The following PTH2R variants were observed in gnomAD, a reference collection of about 807,000 sequenced individuals.
The protein encoded by PTH2R is parathyroid hormone 2 receptor.
PTH2R carries 59 observed loss-of-function variants against 60.3 expected under a neutral mutation model. That is an observed-to-expected ratio of 0.98 (90% CI 0.79 to 1.22). The LOEUF (loss-of-function observed/expected upper bound fraction) is 1.22. PTH2R is among the 50% of genes most tolerant of loss of function. PTH2R has a pLI of 0.00. For missense variants in PTH2R, 749 were observed against 682.6 expected, an observed-to-expected ratio of 1.10 and a Z score of -1.08; for synonymous variants, 256 against 243.8, an observed-to-expected ratio of 1.05 and a Z score of -0.47.
At chr2:208,446,067 G>A (rs1301829505) in intron 7 of PTH2R, among the ~76,000 whole-genome samples, 1 of 152,090 alleles carries the variant, frequency 6.6e-6, no homozygotes, top group Non-Finnish European at 1.5e-5. Context: ...AGTTGGAAAA[G>A]GTGTTGATAG....
chr2:208,465,996 G>T (rs1473841170), intron 9 of PTH2R, among the ~76,000 whole-genome samples: 2 of 152,012 alleles, frequency 1.3e-5, no homozygotes, highest in Non-Finnish European at 2.9e-5. Context: ...CATTTGGTGT[G>T]CATTAATACT....
intron 9 of PTH2R, among the ~76,000 whole-genome samples, chr2:208,476,506 T>C (rs1053509297): frequency 3.9e-5 from 6 of 152,228 alleles, no homozygotes; most frequent in Non-Finnish European, 1.5e-5. Context: ...ATTTTGTCTT[T>C]ATATTTGTGA....
intron 8 of PTH2R, among the ~76,000 whole-genome samples, chr2:208,457,894 T>G (rs541697914): frequency 1.4e-4 from 22 of 152,326 alleles, no homozygotes; most frequent in African/African-American, 4.6e-4. Context: ...AGCTTGCTCA[T>G]TAATAAAAAG....
At chr2:208,388,102 G>C (rs1174529831) in intron 1 of PTH2R, among the ~76,000 whole-genome samples, 1 of 146,808 alleles carries the variant, frequency 6.8e-6, no homozygotes, top group Admixed American at 7.0e-5. Context: ...GAGGTCAGGA[G>C]ATCAAGACCA....
intron 1 of PTH2R, among the ~76,000 whole-genome samples, chr2:208,425,620 G>T (rs1468085289): frequency 6.6e-6 from 1 of 152,212 alleles, no homozygotes. Context: ...TATAAAAGTT[G>T]CTGTCAAACA....
rs956408192 is a variant in PTH2R at position 208,459,761 on chromosome 2, A to G, written c.915-134A>G. 8 of 730,280 alleles carry G rather than the reference A, an allele frequency of 1.1e-5. No individual in the cohort carries two copies. In the Admixed American group the frequency reaches 1.9e-4, roughly 17 times the overall value. 45.2% of individuals were successfully genotyped at this position (730,280 alleles called of 1,614,324 possible). On this transcript the variant is annotated intron_variant, in intron 8 of 12. Coordinates refer to ENST00000272847, the MANE Select transcript of PTH2R (RefSeq NM_005048.4). ...CCCCCACTGGCTTGGGTGTTTTAAG[A>G]TAAGATTTCTTTGTCTATTTGTTTC...
At chr2:208,424,624 C>A (rs1053822404) in intron 1 of PTH2R, among the ~76,000 whole-genome samples, 5 of 152,144 alleles carry the variant, frequency 3.3e-5, no homozygotes, top group Admixed American at 6.5e-5. Flanking sequence ...ATGCACCTGT[C>A]CTGGATTGTT....
chr2:208,380,756 C>T (rs1386310554), intron 1 of PTH2R, among the ~76,000 whole-genome samples: 1 of 152,094 alleles, frequency 6.6e-6, no homozygotes, highest in African/African-American at 2.4e-5. Context: ...ACTAGCTTTC[C>T]CCTGTGTGGG....
chr2:208,385,131 AGT>A (rs1700979759), intron 1 of PTH2R, among the ~76,000 whole-genome samples: 1 of 151,992 alleles, frequency 6.6e-6, no homozygotes, highest in Non-Finnish European at 1.5e-5. Flanking sequence ...ACTACCTGAT[AGT>A]GTTAATACCT....
intron 2 of PTH2R, among the ~76,000 whole-genome samples, chr2:208,431,417 A>T (rs1184348713): frequency 6.6e-6 from 1 of 152,180 alleles, no homozygotes; most frequent in African/African-American, 2.4e-5. Context: ...TTGTGTGTCT[A>T]ATGATTTGTG....
chr2:208,377,191 A>G (rs887186705), intron 1 of PTH2R, among the ~76,000 whole-genome samples: 14 of 152,070 alleles, frequency 9.2e-5, no homozygotes, highest in South Asian at 2.1e-4. Flanking sequence ...GGTTGGGGGT[A>G]AGGTCATAGA....
At position 208,489,099 on chromosome 2, in the gene PTH2R, G is replaced by A. The variant is rs965644409; in HGVS notation, c.1164G>A (p.Gly388=). The change falls in exon 11 of 13, where the codon GGG becomes GGA. Residue 388 remains glycine (G), a synonymous_variant. Transcript: ENST00000272847. ...TATGCCTGCCTCACTCCTTCACTGG[G>A]CTCGGGTGGGAGATCCGCATGCACT... The part of the protein sequence containing the change: ...VFVCLPHSFT[G]LGWEIRMHCE... The A allele has an allele frequency of 6.2e-7, 1 of 1,613,980 alleles. No individual in the cohort carries two copies. Among genetic ancestry groups the A allele is most frequent in the Admixed American group, 1.7e-5 (1 of 60,000 alleles).
intron 1 of PTH2R, among the ~76,000 whole-genome samples, chr2:208,420,428 A>G (rs932231580): frequency 8.5e-5 from 13 of 152,318 alleles, no homozygotes; most frequent in East Asian, 1.9e-4. Context: ...TTTTCCACAC[A>G]TATTTGCCAG....
chr2:208,491,817 T>G (rs1013739709), intron 12 of PTH2R, among the ~76,000 whole-genome samples: 1 of 152,278 alleles, frequency 6.6e-6, no homozygotes, highest in African/African-American at 2.4e-5. Context: ...CTCCACTTCC[T>G]CTGTGCCCGA....
At chr2:208,421,071 A>T (rs916817345) in intron 1 of PTH2R, among the ~76,000 whole-genome samples, 3 of 152,244 alleles carry the variant, frequency 2.0e-5, no homozygotes, top group African/African-American at 4.8e-5. Context: ...ATAAATTCAC[A>T]TGTAGTTAAT....
intron 7 of PTH2R, among the ~76,000 whole-genome samples, chr2:208,448,817 T>A (rs576406483): frequency 8.6e-5 from 13 of 152,010 alleles, no homozygotes; most frequent in Non-Finnish European, 1.8e-4. Context: ...TGATAAAAAA[T>A]CCTTAAAGGA....
chr2:208,376,992 T>C (rs1011278479), intron 1 of PTH2R, among the ~76,000 whole-genome samples: 1 of 152,032 alleles, frequency 6.6e-6, no homozygotes, highest in African/African-American at 2.4e-5. Flanking sequence ...CAAAGGTCTC[T>C]GGTTTTCCTA....
intron 11 of PTH2R, among the ~76,000 whole-genome samples, chr2:208,489,409 A>T (rs1349117948): frequency 6.6e-6 from 1 of 152,158 alleles, no homozygotes; most frequent in East Asian, 1.9e-4. Context: ...GATAAGGAAC[A>T]TCTTGTTGTA....
chr2:208,476,999 C>T (rs759518331), intron 9 of PTH2R, among the ~76,000 whole-genome samples: 2 of 152,084 alleles, frequency 1.3e-5, no homozygotes, highest in Non-Finnish European at 2.9e-5. Context: ...ACATCTTTTG[C>T]GAGTTATGCC....
Sources: allele counts gnomAD v4.1 joint callset (sites outside exome capture counted in the v4.1 genomes callset), GRCh38; gene constraint gnomAD v4.1.1; transcripts MANE v1.5; gene names NCBI Gene and HGNC (gene_info 2026-07-23, HGNC 2026-07-21).